Variants in CDH12 observed in about 807,000 individuals in gnomAD.
The protein encoded by CDH12 is cadherin 12, also known as cadherin-12.
In CDH12, 41 loss-of-function variants were observed where a neutral mutation model predicts 74.1. That is an observed-to-expected ratio of 0.55 (90% CI 0.43 to 0.72). CDH12 has a LOEUF of 0.72. Among genes scored for constraint, CDH12 ranks in the 30% least tolerant of loss-of-function variants. The probability of loss-of-function intolerance (pLI) is 0.00; values close to 1 mark genes in which losing one functional copy is unlikely to be tolerated. For missense variants in CDH12, 945 were observed against 977.2 expected (o/e 0.97, Z 0.44); for synonymous variants, 399 against 355.0 (o/e 1.12, Z -1.39).
At chr5:22,615,821 G>C (rs915905514) in intron 1 of CDH12, among the ~76,000 whole-genome samples, 1 of 152,110 alleles carries the variant, frequency 6.6e-6, no homozygotes, top group Non-Finnish European at 1.5e-5. Context: ...GATAATGAAT[G>C]TATGGTGAAT....
At chr5:22,256,862 C>T (rs1156247078) in intron 3 of CDH12, among the ~76,000 whole-genome samples, 1 of 152,104 alleles carries the variant, frequency 6.6e-6, no homozygotes, top group Admixed American at 6.6e-5. Context: ...GGATACAAAT[C>T]ATTCTGTTTT....
chr5:22,090,393 A>G (rs1477157640), intron 4 of CDH12, among the ~76,000 whole-genome samples: 1 of 151,796 alleles, frequency 6.6e-6, no homozygotes, highest in Non-Finnish European at 1.5e-5. Flanking sequence ...GCAATTTCAA[A>G]AACTTCCCAC....
At chr5:22,084,450 C>G (rs559182387) in intron 4 of CDH12, among the ~76,000 whole-genome samples, 1 of 152,254 alleles carries the variant, frequency 6.6e-6, no homozygotes, top group African/African-American at 2.4e-5. Flanking sequence ...TAGTTTTATG[C>G]TAAGTAACTA....
chr5:22,292,556 AAAAC>A (rs554514509), intron 3 of CDH12, among the ~76,000 whole-genome samples: 15 of 151,992 alleles, frequency 9.9e-5, no homozygotes, highest in Admixed American at 2.6e-4. Context: ...CAAACAAAAC[AAAAC>A]AAACAAACAA....
intron 2 of CDH12, among the ~76,000 whole-genome samples, chr5:22,480,721 A>G (rs1746355481): frequency 6.6e-6 from 1 of 152,128 alleles, no homozygotes; most frequent in Non-Finnish European, 1.5e-5. Context: ...GGTGTTGCCG[A>G]TCAATAGGAC....
At chr5:21,939,161 T>C (rs1294044196) in intron 6 of CDH12, among the ~76,000 whole-genome samples, 2 of 151,658 alleles carry the variant, frequency 1.3e-5, no homozygotes, top group Non-Finnish European at 2.9e-5. Flanking sequence ...AAATAATATG[T>C]ATACTTTAAT....
intron 3 of CDH12, among the ~76,000 whole-genome samples, chr5:22,404,984 T>G (rs1742878065): frequency 6.6e-6 from 1 of 152,128 alleles, no homozygotes; most frequent in African/African-American, 2.4e-5. Context: ...CCAAAGCAGG[T>G]GGATCACCTG....
chr5:22,801,667 A>G (rs1250719397), intron 1 of CDH12, among the ~76,000 whole-genome samples: 5 of 119,842 alleles, frequency 4.2e-5, no homozygotes, highest in Non-Finnish European at 8.0e-5. Flanking sequence ...ATATATATAT[A>G]TATATATATA....
chr5:21,812,326 T>C (rs1747793422), intron 9 of CDH12, among the ~76,000 whole-genome samples: 1 of 152,098 alleles, frequency 6.6e-6, no homozygotes, highest in Admixed American at 6.6e-5. Context: ...GTAATTTCTG[T>C]ATGAATCTGA....
chr5:22,778,217 A>T (rs1408007436), intron 1 of CDH12, among the ~76,000 whole-genome samples: 1 of 152,208 alleles, frequency 6.6e-6, no homozygotes, highest in Non-Finnish European at 1.5e-5. Context: ...GTTGTTGTTG[A>T]TGATGATTAA....
At chr5:22,241,717 A>G (rs1335826104) in intron 3 of CDH12, among the ~76,000 whole-genome samples, 1 of 152,056 alleles carries the variant, frequency 6.6e-6, no homozygotes, top group Non-Finnish European at 1.5e-5. Context: ...CTTCCTGACC[A>G]TGATGGCTAT....
chr5:22,057,905 C>G (rs1580180967), intron 5 of CDH12, among the ~76,000 whole-genome samples: 1 of 152,060 alleles, frequency 6.6e-6, no homozygotes, highest in Admixed American at 6.6e-5. Flanking sequence ...GAAAGTCGCT[C>G]AAAAGGTTTT....
intron 5 of CDH12, among the ~76,000 whole-genome samples, chr5:22,029,172 T>C (rs1249396994): frequency 6.6e-6 from 1 of 152,104 alleles, no homozygotes; most frequent in Non-Finnish European, 1.5e-5. Context: ...GAAGAAAACC[T>C]AGGCATTACC....
chr5:22,791,086 A>G (rs185713040), intron 1 of CDH12, among the ~76,000 whole-genome samples: 31 of 152,316 alleles, frequency 2.0e-4, no homozygotes, highest in Non-Finnish European at 3.2e-4. Context: ...AAAGAATATA[A>G]AGAACACAAA....
intron 13 of CDH12, 44 bp downstream of exon 13, chr5:21,760,514 A>G: frequency 3.2e-6 from 3 of 927,788 alleles, no homozygotes; most frequent in Non-Finnish European, 5.3e-6. Context: ...GCCTTTTTAC[A>G]AAGATACATG....
chr5:22,251,354 T>G (rs1439383216), intron 3 of CDH12, among the ~76,000 whole-genome samples: 1 of 152,126 alleles, frequency 6.6e-6, no homozygotes, highest in Non-Finnish European at 1.5e-5. Context: ...AGGGGCATGT[T>G]TTGTTGAAGT....
At chr5:22,627,241 C>A (rs1238551101) in intron 1 of CDH12, among the ~76,000 whole-genome samples, 1 of 152,026 alleles carries the variant, frequency 6.6e-6, no homozygotes, top group East Asian at 1.9e-4. Flanking sequence ...TCCAGAGAAC[C>A]TCTGTGAAAT....
At chr5:22,406,075 C>T (rs1361182108) in intron 2 of CDH12, among the ~76,000 whole-genome samples, 1 of 152,078 alleles carries the variant, frequency 6.6e-6, no homozygotes, top group Non-Finnish European at 1.5e-5. Context: ...ATATTCAATT[C>T]AATACTGGTT....
At chr5:21,944,409 G>C (rs916785034) in intron 6 of CDH12, among the ~76,000 whole-genome samples, 1 of 152,234 alleles carries the variant, frequency 6.6e-6, no homozygotes, top group South Asian at 2.1e-4. Flanking sequence ...ATATGTTGCT[G>C]TTACATGCTA....
Sources: gnomAD v4.1 joint callset for allele counts (sites outside exome capture counted in the v4.1 genomes callset) on GRCh38, gnomAD v4.1.1 for gene constraint, MANE v1.5 for transcripts, NCBI Gene and HGNC (gene_info 2026-07-23, HGNC 2026-07-21) for gene names.